SHLD1: variants seen among roughly 807,000 people sequenced by gnomAD.
SHLD1 encodes the protein shieldin complex subunit 1.
SHLD1 carries 3 observed loss-of-function variants against 5.5 expected under a neutral mutation model. The ratio of observed to expected loss-of-function variants is 0.54; its 90% CI spans 0.25 to 1.40. The LOEUF is 1.40. Ranked by LOEUF, SHLD1 falls within the 40% of genes most tolerant of loss-of-function variation. The pLI, the probability that SHLD1 is intolerant of heterozygous loss-of-function variation, is 0.15. For missense variants in SHLD1, 210 were observed against 244.4 expected (o/e 0.86, Z 0.94); for synonymous variants, 92 against 94.3 (o/e 0.98, Z 0.14).
intron 1 of SHLD1, among the ~76,000 whole-genome samples, chr20:5,759,968 TTCTCTG>T (rs770436255): frequency 2.0e-5 from 3 of 147,576 alleles, no homozygotes; most frequent in Non-Finnish European, 4.5e-5. Context: ...TACTTTATCA[TTCTCTG>T]TCTCTGTATT....
rs1182000843 is a variant in SHLD1 at position 5,863,188 on chromosome 20, A to G, written c.343A>G (p.Asn115Asp). The G allele has an allele frequency of 2.5e-6, 4 of 1,614,144 alleles. No homozygotes were observed. Among genetic ancestry groups the G allele is most frequent in the African/African-American group, 1.3e-5 (1 of 75,014 alleles). The change falls in exon 3 of 3, where the codon AAC (asparagine) becomes GAC (aspartate). Residue 115 changes from asparagine to aspartate, a missense_variant. Asn to Asp is a conservative substitution (Grantham distance 23). Transcript: ENST00000303142. ...MFGHPQPGSA[N>D]SLSASVCKCL... is the part of the protein sequence containing the mutation. ...TGGTCATCCACAGCCAGGCTCTGCA[A>G]ACTCACTCTCTGCATCTGTCTGCAA...
At chr20:5,807,367 CTCTT>C (rs1418855160) in intron 2 of SHLD1, among the ~76,000 whole-genome samples, 1 of 150,052 alleles carries the variant, frequency 6.7e-6, no homozygotes, top group Non-Finnish European at 1.5e-5. Context: ...TTCTTTCTCT[CTCTT>C]TCTTCCTCTT....
At position 5,778,341 on chromosome 20, in the gene SHLD1, A is replaced by T. The variant is rs1226678791; in HGVS notation, c.178+5298A>T. Among the ~76,000 whole-genome samples the T allele has an allele frequency of 4.8e-5, 7 of 146,902 alleles. No individual in the cohort carries two copies. In the Admixed American group the frequency reaches 4.8e-4, roughly 10 times the overall value. ...ATGAGGTTTCACCGTGTTAGCCAGG[A>T]TGGTCTCGATCTCCTGACCTTGTGA... On this transcript the variant is annotated intron_variant, in intron 2 of 2. Transcript: ENST00000303142.
chr20:5,778,621 A>AG (rs1985551905), intron 2 of SHLD1, among the ~76,000 whole-genome samples: 1 of 151,558 alleles, frequency 6.6e-6, no homozygotes. Flanking sequence ...AAAAAAAAAA[A>AG]TAAGGACCAG....
At chr20:5,796,466 T>C (rs2087213768) in intron 2 of SHLD1, among the ~76,000 whole-genome samples, 1 of 152,152 alleles carries the variant, frequency 6.6e-6, no homozygotes, top group Non-Finnish European at 1.5e-5. Context: ...TTGCTTTATC[T>C]CTTTTTTAAA....
At chr20:5,857,400 G>A (rs2122507052) in intron 2 of SHLD1, among the ~76,000 whole-genome samples, 1 of 152,286 alleles carries the variant, frequency 6.6e-6, no homozygotes, top group East Asian at 1.9e-4. Context: ...ACTTAGGAGT[G>A]TGCCATGCAG....
chr20:5,774,096 C>T (rs905890693), intron 2 of SHLD1, among the ~76,000 whole-genome samples: 2 of 152,028 alleles, frequency 1.3e-5, no homozygotes, highest in Non-Finnish European at 2.9e-5. Flanking sequence ...ACCAGCTACT[C>T]GGGAGGCTGA....
chr20:5,791,563 CAA>C (rs34606715), intron 2 of SHLD1, among the ~76,000 whole-genome samples: 91 of 61,002 alleles, frequency 1.5e-3, no homozygotes, highest in African/African-American at 3.5e-3. Context: ...GACCCTGTCT[CAA>C]AAAAAAAAAA....
chr20:5,779,085 C>G (rs1281715690), intron 2 of SHLD1, among the ~76,000 whole-genome samples: 2 of 152,030 alleles, frequency 1.3e-5, no homozygotes, highest in East Asian at 1.9e-4. Context: ...CACCTGTAAT[C>G]CCAGCTACTG....
chr20:5,811,164 C>G (rs2087453686), intron 2 of SHLD1, among the ~76,000 whole-genome samples: 1 of 152,134 alleles, frequency 6.6e-6, no homozygotes, highest in Admixed American at 6.5e-5. Context: ...AAGGCTTATT[C>G]TCTCCAAATT....
At chr20:5,839,209 G>C (rs565672230) in intron 2 of SHLD1, among the ~76,000 whole-genome samples, 1 of 152,158 alleles carries the variant, frequency 6.6e-6, no homozygotes, top group Non-Finnish European at 1.5e-5. Context: ...AACTTGTCAT[G>C]TCAAATGAAA....
At chr20:5,760,007 CACAT>C (rs906745788) in intron 1 of SHLD1, among the ~76,000 whole-genome samples, 6 of 152,012 alleles carry the variant, frequency 3.9e-5, no homozygotes, top group African/African-American at 1.4e-4. Flanking sequence ...CACACACACA[CACAT>C]ATACATATAC....
intron 2 of SHLD1, among the ~76,000 whole-genome samples, chr20:5,841,080 T>C (rs895055998): frequency 6.6e-6 from 1 of 152,172 alleles, no homozygotes. Context: ...TCAGTAGCCT[T>C]AGGATAGTGG....
At chr20:5,862,352 G>T (rs1367074246) in intron 2 of SHLD1, among the ~76,000 whole-genome samples, 2 of 152,228 alleles carry the variant, frequency 1.3e-5, no homozygotes, top group East Asian at 3.8e-4. Flanking sequence ...GTGAGCCAAG[G>T]CCATGGTGCC....
intron 2 of SHLD1, among the ~76,000 whole-genome samples, chr20:5,835,457 A>G (rs1249832812): frequency 6.6e-6 from 1 of 152,242 alleles, no homozygotes; most frequent in Non-Finnish European, 1.5e-5. Context: ...CCTGCCAAGT[A>G]CCATCTACTG....
In SHLD1 at chr20:5,855,035, G is replaced by A. The variant is rs761256402; in HGVS notation, c.179-7989G>A. Reference sequence around the variant, plus strand: ...ACTACAGGCATGAACCACCATGGCCGGCTAAATTTTTAATTTTTTTTTTGT... The same window carrying A: ...ACTACAGGCATGAACCACCATGGCCAGCTAAATTTTTAATTTTTTTTTTGT... On this transcript the variant is annotated intron_variant, in intron 2 of 2. Coordinates refer to ENST00000303142, the MANE Select transcript of SHLD1 (RefSeq NM_152504.4). This position sits in a 1 kb window ranked among gnomAD's most constrained non-coding sequence, Gnocchi z 4.4. Among the ~76,000 whole-genome samples, 20 of 151,890 alleles carry A rather than the reference G, an allele frequency of 1.3e-4. No individual in the cohort carries two copies. The highest frequency in any genetic ancestry group is 4.4e-4 in the African/African-American group (18 of 41,374).
At chr20:5,809,813 A>C (rs2087433533) in intron 2 of SHLD1, among the ~76,000 whole-genome samples, 1 of 152,046 alleles carries the variant, frequency 6.6e-6, no homozygotes, top group Non-Finnish European at 1.5e-5. Context: ...CAATGCACAG[A>C]ATAGTTCCCC....
Position 5,863,120 on chromosome 20 carries a change from A to T in SHLD1, c.275A>T (p.Asp92Val), listed in dbSNP as rs761955136. The T allele has an allele frequency of 3.0e-5, 48 of 1,614,082 alleles. No homozygotes were observed. The highest frequency in any genetic ancestry group is 4.0e-5 in the Non-Finnish European group (47 of 1,180,040). The change falls in exon 3 of 3, where the codon GAT becomes GTT. Residue 92 changes from aspartate (D) to valine (V), a missense_variant. By Grantham distance (152) the Asp-to-Val change is radical. Coordinates refer to ENST00000303142, the MANE Select transcript of SHLD1 (RefSeq NM_152504.4). ...AAAGGCCAGTCAGAGAAGGAAGAGG[A>T]TGATGGCCTTCGGAAATCCCTGGAT... is the stretch of plus-strand genomic sequence containing the variant. The part of the protein sequence containing the change: ...AVKGQSEKEE[D>V]DGLRKSLDRF...
rs1208682960 is a variant in SHLD1 at position 5,863,504 on chromosome 20, T to G, written c.*41T>G. 2 of 1,539,996 alleles carry G rather than the reference T, an allele frequency of 1.3e-6. No homozygotes were observed. The highest frequency in any genetic ancestry group is 3.9e-5 in the Admixed American group (2 of 51,656). On this transcript the variant is annotated 3_prime_UTR_variant, in exon 3 of 3. Transcript: ENST00000303142. ...GTGCAGGGTAGTAATGGAGGTGCTG[T>G]GCCATGACCAGCAGTGTTGGTGGCC...
Sources: allele counts gnomAD v4.1 joint callset (sites outside exome capture counted in the v4.1 genomes callset), GRCh38; gene constraint gnomAD v4.1.1; non-coding constraint Gnocchi (gnomAD v3.1); transcripts MANE v1.5; gene names NCBI Gene and HGNC (gene_info 2026-07-23, HGNC 2026-07-21).